The following PTPRT variants were observed in gnomAD, a reference collection of about 807,000 sequenced individuals.
The protein encoded by PTPRT is protein tyrosine phosphatase receptor type T.
PTPRT carries 56 observed loss-of-function variants against 176.8 expected under a neutral mutation model. That is an observed-to-expected ratio of 0.32 (90% CI 0.26 to 0.40). The LOEUF (loss-of-function observed/expected upper bound fraction) is 0.40. PTPRT is among the 10% of genes least tolerant of loss of function. PTPRT has a pLI of 1.00. For missense variants in PTPRT, 1,540 were observed against 1,908.2 expected (o/e 0.81, Z 3.60); for synonymous variants, 783 against 739.0 (o/e 1.06, Z -0.96).
At chr20:42,107,996 T>C (rs965260176) in intron 23 of PTPRT, among the ~76,000 whole-genome samples, 2 of 152,132 alleles carry the variant, frequency 1.3e-5, no homozygotes, top group African/African-American at 4.8e-5. Context: ...AAAATCCAGA[T>C]GCGGGGACTC....
chr20:42,579,567 C>T (rs2073333163), intron 7 of PTPRT, among the ~76,000 whole-genome samples: 1 of 152,164 alleles, frequency 6.6e-6, no homozygotes, highest in Non-Finnish European at 1.5e-5. Flanking sequence ...CTCTCCAGCA[C>T]CTGTTGTTTC....
intron 14 of PTPRT, among the ~76,000 whole-genome samples, chr20:42,241,002 T>C (rs750698442): frequency 1.2e-4 from 19 of 152,228 alleles, no homozygotes; most frequent in African/African-American, 4.3e-4. Context: ...AATAACCTTA[T>C]GAGGCATTAT....
intron 15 of PTPRT, among the ~76,000 whole-genome samples, chr20:42,229,723 A>G (rs929434988): frequency 6.6e-6 from 1 of 152,226 alleles, no homozygotes; most frequent in Non-Finnish European, 1.5e-5. Flanking sequence ...TTTACATACC[A>G]GGCAACTGAG....
At chr20:42,034,227 C>T in the PTPRT span, among the ~76,000 whole-genome samples, 20 of 152,246 alleles carry the variant, frequency 1.3e-4, no homozygotes, top group East Asian at 2.3e-3. Context: ...TCCAAGCTCA[C>T]GTGGTGGCTG....
rs190082204 is a variant in PTPRT, at chr20:42,325,756, C to A, written c.1866-9760G>T. 6.9e-3 allele frequency among the ~76,000 whole-genome samples: 1,048 copies of A among 152,308 alleles called. 7 individuals carry two copies. Among genetic ancestry groups the A allele is most frequent in the Non-Finnish European group, 0.012 (790 of 68,030 alleles). ...CAAGACTCCCCTCTGCTCAAAGCCC[C>A]CTTATGGCTCTGACCTTACTTAGAG... On this transcript the variant is annotated intron_variant, in intron 11 of 30. Coordinates refer to ENST00000373187, the MANE Select transcript of PTPRT (RefSeq NM_007050.6).
intron 7 of PTPRT, among the ~76,000 whole-genome samples, chr20:42,637,642 T>G (rs1000589162): frequency 6.6e-6 from 1 of 152,136 alleles, no homozygotes; most frequent in Non-Finnish European, 1.5e-5. Flanking sequence ...TTTCATATCA[T>G]TTTCACCTGA....
In PTPRT at chr20:42,426,372, C is replaced by T. The variant is rs563103738; in HGVS notation, c.1560+21848G>A. Among the ~76,000 whole-genome samples, 38 of 152,176 alleles carry T rather than the reference C, an allele frequency of 2.5e-4. 1 individual carries two copies. The highest frequency in any genetic ancestry group is 6.8e-3 in the Middle Eastern group (2 of 294). On this transcript the variant is annotated intron_variant, in intron 9 of 30. Coordinates refer to ENST00000373187, the MANE Select transcript of PTPRT (RefSeq NM_007050.6). ...AGCTGGGGATGTTCAGAGAGGAAAC[C>T]GGCTGCTGGATGACCAAAATCCAGG...
At chr20:42,868,039 A>G (rs993583412) in intron 2 of PTPRT, among the ~76,000 whole-genome samples, 5 of 152,190 alleles carry the variant, frequency 3.3e-5, no homozygotes, top group African/African-American at 1.2e-4. Flanking sequence ...CAAGACGGAA[A>G]TTAATACCGA....
intron 1 of PTPRT, among the ~76,000 whole-genome samples, chr20:43,114,075 A>G (rs2012964278): frequency 6.6e-6 from 1 of 152,212 alleles, no homozygotes; most frequent in South Asian, 2.1e-4. Flanking sequence ...CACAAAAAAT[A>G]AAATGTGTTT....
the PTPRT span, among the ~76,000 whole-genome samples, chr20:42,035,834 G>A: frequency 1.3e-5 from 2 of 152,176 alleles, no homozygotes; most frequent in Non-Finnish European, 2.9e-5. Context: ...CCTTAAACTA[G>A]AATGATGCCC....
At chr20:42,200,648 G>A (rs948269346) in intron 15 of PTPRT, among the ~76,000 whole-genome samples, 1 of 152,132 alleles carries the variant, frequency 6.6e-6, no homozygotes, top group Admixed American at 6.5e-5. Flanking sequence ...ACAAAAATAT[G>A]ACTAACTCCT....
intron 7 of PTPRT, among the ~76,000 whole-genome samples, chr20:42,474,052 A>C (rs781780814): frequency 6.6e-6 from 1 of 152,208 alleles, no homozygotes; most frequent in Non-Finnish European, 1.5e-5. Flanking sequence ...TTAGAACTCA[A>C]ACTTAATAAG....
At chr20:42,477,810 A>C (rs2071317147) in intron 7 of PTPRT, among the ~76,000 whole-genome samples, 1 of 152,204 alleles carries the variant, frequency 6.6e-6, no homozygotes, top group Non-Finnish European at 1.5e-5. Context: ...ATAGAAAATC[A>C]AAGTGGCTCT....
chr20:43,163,616 C>A (rs1288202627), intron 1 of PTPRT, among the ~76,000 whole-genome samples: 1 of 151,222 alleles, frequency 6.6e-6, no homozygotes, highest in African/African-American at 2.4e-5. Context: ...CCAGCCTGGG[C>A]TACAGAGCGA....
At chr20:43,124,670 G>A (rs2013378149) in intron 1 of PTPRT, among the ~76,000 whole-genome samples, 1 of 152,204 alleles carries the variant, frequency 6.6e-6, no homozygotes, top group African/African-American at 2.4e-5. Flanking sequence ...CGATCCAACA[G>A]ATAGCTACTG....
In PTPRT at chr20:42,079,801, G is replaced by T. The variant is rs1983133962; in HGVS notation, c.*1078C>A. The T allele has an allele frequency of 4.3e-6, 1 of 230,132 alleles. No homozygotes were observed. The highest frequency in any genetic ancestry group is 8.6e-6 in the Non-Finnish European group (1 of 116,172). 14.3% of individuals were successfully genotyped at this position (230,132 alleles called of 1,614,324 possible). A position where few individuals can be genotyped will look rare whatever the true frequency, so the allele number is the denominator to read the frequency against. ...CCAGAAACCAAAGGGACCATCTTCA[G>T]GCTCACCCATCTCTCCTTGCTCAGT... is the stretch of plus-strand genomic sequence containing the variant. On this transcript the variant is annotated 3_prime_UTR_variant, in exon 31 of 31. Coordinates refer to ENST00000373187, the MANE Select transcript of PTPRT (RefSeq NM_007050.6).
rs960318762 is a variant in PTPRT at position 42,516,641 on chromosome 20, C to T, written c.1154-44079G>A. Among the ~76,000 whole-genome samples the T allele has an allele frequency of 2.6e-5, 4 of 152,078 alleles. No homozygotes were observed. In the East Asian group the frequency reaches 7.7e-4, roughly 29 times the overall value. Reference sequence around the variant, plus strand: ...ACATACTTAGGTGTTCATGTCTGCTCATTTGTACTTAGAAGTAGAATTAAT... The same window carrying T: ...ACATACTTAGGTGTTCATGTCTGCTTATTTGTACTTAGAAGTAGAATTAAT... On this transcript the variant is annotated intron_variant, in intron 7 of 30. Transcript: ENST00000373187.
At chr20:42,237,774 C>T (rs895899478) in intron 14 of PTPRT, among the ~76,000 whole-genome samples, 4 of 152,136 alleles carry the variant, frequency 2.6e-5, no homozygotes, top group African/African-American at 7.2e-5. Flanking sequence ...TCTTATTTCA[C>T]ATCAGATTCA....
intron 11 of PTPRT, among the ~76,000 whole-genome samples, chr20:42,323,240 C>A (rs2057829346): frequency 6.6e-6 from 1 of 152,130 alleles, no homozygotes; most frequent in South Asian, 2.1e-4. Flanking sequence ...TACCATTTGA[C>A]CCAGCCATCC....
Sources: gnomAD v4.1 joint callset for allele counts (sites outside exome capture counted in the v4.1 genomes callset) on GRCh38, gnomAD v4.1.1 for gene constraint, MANE v1.5 for transcripts, NCBI Gene and HGNC (gene_info 2026-07-23, HGNC 2026-07-21) for gene names.